SBF2: variants seen among roughly 807,000 people sequenced by gnomAD.
The protein encoded by SBF2 is SET binding factor 2.
Under a neutral mutation model 225.2 loss-of-function variants are expected in SBF2, and 112 were observed. The ratio of observed to expected loss-of-function variants is 0.50; its 90% CI spans 0.43 to 0.58. SBF2 has a LOEUF of 0.58. Ranked by LOEUF, SBF2 falls within the 20% of genes least tolerant of loss-of-function variation. The pLI is 0.00. For synonymous variants in SBF2, 763 were observed against 773.3 expected (o/e 0.99, Z 0.22); for missense variants, 1,996 against 2,206.2 (o/e 0.90, Z 1.91).
intron 2 of SBF2, among the ~76,000 whole-genome samples, chr11:10,143,586 A>C (rs1052285371): frequency 5.3e-5 from 8 of 152,214 alleles, no homozygotes; most frequent in Non-Finnish European, 1.2e-4. Flanking sequence ...ATGAAGAAAA[A>C]TTCTGGGTTC....
chr11:9,804,372 C>T (rs1272808658), intron 32 of SBF2, among the ~76,000 whole-genome samples: 4 of 152,154 alleles, frequency 2.6e-5, no homozygotes, highest in Non-Finnish European at 2.9e-5. Flanking sequence ...CTGCTGTTTT[C>T]TTTCTCTGGA....
At chr11:9,853,826 G>A in intron 19 of SBF2, 114 bp from the exon 20 acceptor site, 2 of 971,722 alleles carry the variant, frequency 2.1e-6, no homozygotes, top group Non-Finnish European at 3.3e-6. Flanking sequence ...GTCTACTCAA[G>A]TAGAAGGCTC....
intron 16 of SBF2, among the ~76,000 whole-genome samples, chr11:9,930,158 T>A (rs1490669018): frequency 1.3e-5 from 2 of 152,058 alleles, no homozygotes; most frequent in African/African-American, 2.4e-5. Context: ...TAAAGAATTT[T>A]AAAAAAAGTA....
intron 13 of SBF2, among the ~76,000 whole-genome samples, chr11:9,982,399 A>G (rs937326195): frequency 1.3e-5 from 2 of 152,262 alleles, no homozygotes; most frequent in Non-Finnish European, 2.9e-5. Context: ...ACTGACTGAC[A>G]GGAAAATTAC....
At chr11:9,922,298 G>C (rs899759714) in intron 16 of SBF2, among the ~76,000 whole-genome samples, 2 of 152,032 alleles carry the variant, frequency 1.3e-5, no homozygotes, top group Non-Finnish European at 2.9e-5. Flanking sequence ...CAGCATCCAC[G>C]AGTGAGGCAT....
chr11:9,828,016 A>C (rs191644848), intron 28 of SBF2: 117 of 576,466 alleles, frequency 2.0e-4, no homozygotes, highest in Middle Eastern at 1.6e-3. Flanking sequence ...GAGGGTAATT[A>C]AGAACAATTT....
intron 13 of SBF2, among the ~76,000 whole-genome samples, 183 bp from the exon 14 acceptor site, chr11:9,968,728 T>C (rs767613603): frequency 3.3e-5 from 5 of 152,236 alleles, no homozygotes; most frequent in South Asian, 2.1e-4. Context: ...CAGCATCTGA[T>C]ACAGCTTGGC....
At chr11:9,824,970 A>G (rs1854983086) in intron 28 of SBF2, among the ~76,000 whole-genome samples, 1 of 152,228 alleles carries the variant, frequency 6.6e-6, no homozygotes, top group Admixed American at 6.5e-5. Context: ...AAATTCACTG[A>G]GAAAGAAATG....
intron 1 of SBF2, among the ~76,000 whole-genome samples, chr11:10,240,428 T>C (rs143079814): frequency 6.6e-6 from 1 of 152,240 alleles, no homozygotes; most frequent in African/African-American, 2.4e-5. Context: ...AAATGGAGAC[T>C]TGGTCTAGAG....
intron 2 of SBF2, among the ~76,000 whole-genome samples, chr11:10,083,697 A>G (rs898258885): frequency 1.2e-4 from 19 of 152,180 alleles, no homozygotes; most frequent in Admixed American, 9.8e-4. Flanking sequence ...AATAGAACCC[A>G]TATCTCTCAC....
chr11:9,916,819 A>C (rs1863137278), intron 16 of SBF2, among the ~76,000 whole-genome samples: 2 of 152,056 alleles, frequency 1.3e-5, no homozygotes, highest in African/African-American at 4.8e-5. Flanking sequence ...TTCTGGCCTC[A>C]AGTGATCCTC....
chr11:10,241,024 C>T (rs1301008119), intron 1 of SBF2, among the ~76,000 whole-genome samples: 3 of 151,966 alleles, frequency 2.0e-5, no homozygotes, highest in Non-Finnish European at 4.4e-5. Flanking sequence ...GATTAGAGTG[C>T]TTAAAAAAAT....
chr11:9,856,832 GGC>G, intron 18 of SBF2, 112 bp from the exon 19 acceptor site: 1 of 1,161,336 alleles, frequency 8.6e-7, no homozygotes, highest in Non-Finnish European at 1.2e-6. Context: ...CTGTCACCCA[GGC>G]TGGAGTGCAG....
chr11:10,261,926 T>C (rs761638332), intron 1 of SBF2, among the ~76,000 whole-genome samples: 1 of 152,144 alleles, frequency 6.6e-6, no homozygotes, highest in Non-Finnish European at 1.5e-5. Flanking sequence ...AAAATTAATC[T>C]ATGGCAGACA....
intron 1 of SBF2, among the ~76,000 whole-genome samples, chr11:10,258,165 T>C (rs7115944): frequency 0.53 from 79,881 of 150,314 alleles, 21,547 homozygotes; most frequent in Admixed American, 0.62. Context: ...GAATGAGTGG[T>C]GCGATCAAAC....
At chr11:10,153,170 G>A (rs1955300001) in intron 2 of SBF2, among the ~76,000 whole-genome samples, 1 of 152,176 alleles carries the variant, frequency 6.6e-6, no homozygotes, top group Non-Finnish European at 1.5e-5. Context: ...TCTGGTGATA[G>A]TGAAATGTAA....
At chr11:9,822,573 T>C (rs1042974390) in intron 28 of SBF2, among the ~76,000 whole-genome samples, 5 of 152,188 alleles carry the variant, frequency 3.3e-5, no homozygotes, top group Non-Finnish European at 7.3e-5. Context: ...AAACTCTTAA[T>C]GTATTGTTTC....
chr11:10,172,122 A>C (rs182116353), intron 2 of SBF2, among the ~76,000 whole-genome samples: 38 of 151,894 alleles, frequency 2.5e-4, no homozygotes, highest in African/African-American at 8.9e-4. Context: ...TGTTTTCTTA[A>C]TTTCAATTTA....
At chr11:9,959,621 A>G (rs1866426614) in intron 16 of SBF2, 1 of 759,170 alleles carries the variant, frequency 1.3e-6, no homozygotes, top group South Asian at 1.4e-5. Flanking sequence ...AGCCACCAAA[A>G]TTCTACTCAG....
Sources: allele counts gnomAD v4.1 joint callset (sites outside exome capture counted in the v4.1 genomes callset), GRCh38; gene constraint gnomAD v4.1.1; transcripts MANE v1.5; gene names NCBI Gene and HGNC (gene_info 2026-07-23, HGNC 2026-07-21).